Variants in CPSF4L observed in about 807,000 individuals in gnomAD.
CPSF4L encodes putative cleavage and polyadenylation specificity factor subunit 4-like protein.
CPSF4L carries 18 observed loss-of-function variants against 24.0 expected under a neutral mutation model. The observed-to-expected ratio is 0.75, with a 90% CI of 0.52 to 1.11. The LOEUF (loss-of-function observed/expected upper bound fraction) is 1.11, where lower values mean the gene tolerates loss of function less well. Among genes scored for constraint, CPSF4L ranks in the 50% least tolerant of loss-of-function variants. The pLI is 0.00. For synonymous variants in CPSF4L, 72 were observed against 77.2 expected (o/e 0.93, Z 0.35); for missense variants, 211 against 221.8 (o/e 0.95, Z 0.31).
At chr17:73,263,418 C>T (rs4969025), upstream of CPSF4L, among the ~76,000 whole-genome samples, 28,059 of 152,074 alleles carry the variant, frequency 0.18, 2,835 homozygotes, top group Admixed American at 0.27. Flanking sequence ...CACAATAATG[C>T]GATGGAGGCA....
In CPSF4L at chr17:73,253,921, A is replaced by T; in HGVS notation, c.403+10T>A. 1.3e-6 allele frequency: 2 copies of T among 1,547,196 alleles called. No individual in the cohort carries two copies. The highest frequency in any genetic ancestry group is 1.7e-6 in the Non-Finnish European group (2 of 1,143,198). Reference sequence around the variant, plus strand: ...CAGCCCCTAGGGCTCCCTGGCTTCCAAGGCCTCACCGTCCTTGCAGAAACC... The same window carrying T: ...CAGCCCCTAGGGCTCCCTGGCTTCCTAGGCCTCACCGTCCTTGCAGAAACC... On this transcript the variant is annotated intron_variant, in intron 4 of 5. Coordinates refer to ENST00000344935, the MANE Select transcript of CPSF4L (RefSeq NM_001129885.1).
chr17:73,250,383 T>C, intron 5 of CPSF4L: 2 of 1,513,660 alleles, frequency 1.3e-6, no homozygotes, highest in Non-Finnish European at 8.9e-7. Context: ...TAGGAGATGG[T>C]TAGCTACCTT....
chr17:73,242,500 AT>A, the CPSF4L span: 1 of 534,088 alleles, frequency 1.9e-6, no homozygotes. Context: ...GTCTGTGTTC[AT>A]TTTGGAGTTG....
At chr17:73,256,866 A>C (rs979688417) in intron 3 of CPSF4L, among the ~76,000 whole-genome samples, 1 of 152,144 alleles carries the variant, frequency 6.6e-6, no homozygotes, top group Non-Finnish European at 1.5e-5. Flanking sequence ...GTCTCTACTA[A>C]AAATATAAAA....
chr17:73,261,704 A>C lies in CPSF4L; in HGVS notation c.103+12T>G. On this transcript the variant is annotated intron_variant, in intron 1 of 5. Transcript: ENST00000344935. The stretch of plus-strand genomic sequence containing the variant: ...AAGGTAGGGGAGGGAAAGTGGCCCC[A>C]CCCTCACTCACTGTCCATGCCCTGG... The C allele has an allele frequency of 6.6e-7, 1 of 1,510,942 alleles. No individual in the cohort carries two copies. The highest frequency in any genetic ancestry group is 9.0e-7 in the Non-Finnish European group (1 of 1,110,370). 93.6% of individuals were successfully genotyped at this position (1,510,942 alleles called of 1,614,324 possible). A position where few individuals can be genotyped will look rare whatever the true frequency, so the allele number is the denominator to read the frequency against.
downstream of CPSF4L, chr17:73,247,499 TATAA>T: frequency 1.5e-6 from 1 of 651,914 alleles, no homozygotes; most frequent in Non-Finnish European, 2.7e-6. Context: ...GTATCACTGC[TATAA>T]ATAAAGTAGT....
intron 5 of CPSF4L, chr17:73,251,022 A>G: frequency 6.5e-7 from 1 of 1,549,660 alleles, no homozygotes; most frequent in South Asian, 1.2e-5. Context: ...GCAGGAGAGC[A>G]GGCACTCTGT....
chr17:73,254,492 G>A (rs561760227), intron 3 of CPSF4L, among the ~76,000 whole-genome samples: 24 of 152,312 alleles, frequency 1.6e-4, no homozygotes, highest in Non-Finnish European at 3.1e-4. Context: ...TGCTCAAGGT[G>A]GCACAGGTAT....
chr17:73,256,738 C>A (rs1019277005), intron 3 of CPSF4L, among the ~76,000 whole-genome samples: 1 of 152,120 alleles, frequency 6.6e-6, no homozygotes. Context: ...ATTAAAAGGA[C>A]AAAGGAGGCC....
intron 4 of CPSF4L, among the ~76,000 whole-genome samples, chr17:73,253,557 C>T (rs2062013235): frequency 6.6e-6 from 1 of 152,208 alleles, no homozygotes; most frequent in Non-Finnish European, 1.5e-5. Context: ...GTAGGACATG[C>T]TTAAGCAACA....
At chr17:73,242,829 A>C in the CPSF4L span, 2 of 1,294,432 alleles carry the variant, frequency 1.5e-6, no homozygotes, top group South Asian at 1.3e-5. Context: ...GGAAAACTTG[A>C]ATGACTCGCG....
At chr17:73,251,062 C>T in intron 5 of CPSF4L, 8 of 1,549,794 alleles carry the variant, frequency 5.2e-6, no homozygotes, top group Non-Finnish European at 5.2e-6. Context: ...GCTTCCACAG[C>T]AGAAATAGGA....
chr17:73,261,028 T>C (rs1383810683), intron 1 of CPSF4L, 45 bp from the exon 2 acceptor site: 1 of 1,508,246 alleles, frequency 6.6e-7, no homozygotes. Context: ...CCCCAGAGGC[T>C]GCAGCTGTTC....
At chr17:73,255,905 G>C (rs2062023439) in intron 3 of CPSF4L, among the ~76,000 whole-genome samples, 3 of 152,158 alleles carry the variant, frequency 2.0e-5, no homozygotes, top group South Asian at 4.1e-4. Flanking sequence ...TTCAGAGACG[G>C]GGGTACTGGG....
chr17:73,259,477 G>A (rs916581997), intron 2 of CPSF4L, among the ~76,000 whole-genome samples: 1 of 152,114 alleles, frequency 6.6e-6, no homozygotes, highest in East Asian at 1.9e-4. Context: ...CTACTCCCCC[G>A]GCCAAGGTGC....
downstream of CPSF4L, among the ~76,000 whole-genome samples, chr17:73,243,540 CATGTT>C (rs1470357224): frequency 6.9e-6 from 1 of 145,904 alleles, no homozygotes; most frequent in African/African-American, 2.5e-5. Flanking sequence ...TCCTCCATTT[CATGTT>C]GTCTTTTTTT....
chr17:73,242,341 T>C, the CPSF4L span: 5 of 1,579,780 alleles, frequency 3.2e-6, no homozygotes, highest in East Asian at 6.8e-5. Context: ...TCTTGGGAGC[T>C]GTACAAAAAG....
chr17:73,242,795 C>T, the CPSF4L span: 3 of 811,310 alleles, frequency 3.7e-6, no homozygotes, highest in South Asian at 1.7e-5. Context: ...CTCTGAATTA[C>T]AGTTCCATCA....
chr17:73,261,516 C>G (rs2062045747), intron 1 of CPSF4L, among the ~76,000 whole-genome samples, 200 bp downstream of exon 1: 1 of 152,186 alleles, frequency 6.6e-6, no homozygotes, highest in Non-Finnish European at 1.5e-5. Context: ...AAAAAATCAG[C>G]TGGGCGTGGT....
Sources: allele counts gnomAD v4.1 joint callset (sites outside exome capture counted in the v4.1 genomes callset), GRCh38; gene constraint gnomAD v4.1.1; transcripts MANE v1.5; gene names NCBI Gene and HGNC (gene_info 2026-07-23, HGNC 2026-07-21).